Variants in METTL25 observed in about 807,000 individuals in gnomAD.
METTL25 encodes probable methyltransferase-like protein 25.
Under a neutral mutation model 71.6 loss-of-function variants are expected in METTL25, and 64 were observed. The observed-to-expected ratio is 0.89, with a 90% confidence interval of 0.73 to 1.10. The LOEUF (loss-of-function observed/expected upper bound fraction) is 1.10. Ranked by LOEUF, METTL25 falls within the 50% of genes least tolerant of loss-of-function variation. The pLI is 0.00. For missense variants in METTL25, 807 were observed against 707.0 expected, an observed-to-expected ratio of 1.14 and a Z score of -1.60; for synonymous variants, 287 against 250.3, an observed-to-expected ratio of 1.15 and a Z score of -1.38.
intron 5 of METTL25, among the ~76,000 whole-genome samples, chr12:82,403,650 T>C (rs1399664247): frequency 6.6e-6 from 1 of 152,212 alleles, no homozygotes; most frequent in African/African-American, 2.4e-5. Context: ...GTATTCAAAC[T>C]ATGCTACCTG....
intron 9 of METTL25, among the ~76,000 whole-genome samples, chr12:82,460,217 A>G (rs1254370727): frequency 1.3e-5 from 2 of 152,044 alleles, no homozygotes; most frequent in Admixed American, 6.5e-5. Context: ...GCTTGTCTAG[A>G]CCCCCCTTAT....
At chr12:82,414,690 C>A (rs1267592443) in intron 5 of METTL25, among the ~76,000 whole-genome samples, 16 of 152,138 alleles carry the variant, frequency 1.1e-4, no homozygotes, top group Non-Finnish European at 4.4e-5. Context: ...TTGACAAATT[C>A]TTGTCAGAGA....
chr12:82,378,854 C>T (rs755268599), intron 1 of METTL25, among the ~76,000 whole-genome samples: 3 of 151,944 alleles, frequency 2.0e-5, no homozygotes. Flanking sequence ...ATAGTGAGAC[C>T]CTGTCTCTAG....
chr12:82,466,770 C>T (rs1892262835), intron 9 of METTL25, among the ~76,000 whole-genome samples: 1 of 152,008 alleles, frequency 6.6e-6, no homozygotes, highest in African/African-American at 2.4e-5. Flanking sequence ...TATCTAGGTA[C>T]ACCAGTATAA....
At chr12:82,473,550 C>T (rs1014590454) in intron 9 of METTL25, among the ~76,000 whole-genome samples, 1 of 152,116 alleles carries the variant, frequency 6.6e-6, no homozygotes, top group Non-Finnish European at 1.5e-5. Context: ...TGATCGCCCT[C>T]CAGGGGCAGC....
chr12:82,449,401 CT>C (rs1313018763), intron 8 of METTL25, among the ~76,000 whole-genome samples: 5 of 152,188 alleles, frequency 3.3e-5, no homozygotes, highest in African/African-American at 4.8e-5. Flanking sequence ...CCATGAACAG[CT>C]GCCCATGCAC....
chr12:82,434,313 A>G (rs1290869769), intron 6 of METTL25, among the ~76,000 whole-genome samples: 1 of 151,362 alleles, frequency 6.6e-6, no homozygotes, highest in Non-Finnish European at 1.5e-5. Flanking sequence ...AAATATATCT[A>G]TGTCTGTATA....
At chr12:82,449,981 G>A (rs1160661617) in intron 8 of METTL25, among the ~76,000 whole-genome samples, 1 of 151,952 alleles carries the variant, frequency 6.6e-6, no homozygotes, top group Admixed American at 6.6e-5. Flanking sequence ...ACCCTATGTT[G>A]TTAAATTGCG....
At chr12:82,460,804 TTTAG>T (rs1592761083) in intron 9 of METTL25, among the ~76,000 whole-genome samples, 2 of 152,196 alleles carry the variant, frequency 1.3e-5, no homozygotes, top group East Asian at 3.8e-4. Flanking sequence ...TAATGGGGAC[TTTAG>T]TTAATAATGT....
chr12:82,474,772 G>T (rs1455970343), intron 9 of METTL25, among the ~76,000 whole-genome samples: 1 of 151,992 alleles, frequency 6.6e-6, no homozygotes, highest in African/African-American at 2.4e-5. Flanking sequence ...ACAGTAAAAA[G>T]GTGTTCTCAC....
rs182498246 is a variant in METTL25, at chr12:82,399,809, T to C, written c.1131+415T>C. 5.1e-4 allele frequency among the ~76,000 whole-genome samples: 77 copies of C among 152,312 alleles called. 1 individual carries two copies. Among genetic ancestry groups the C allele is most frequent in the African/African-American group, 1.7e-3 (70 of 41,576 alleles). On this transcript the variant is annotated intron_variant, in intron 4 of 11. Transcript: ENST00000248306. The stretch of plus-strand genomic sequence containing the variant: ...GAGCAAGAGTAGCTTCTAAGTGTTC[T>C]TCAAAGCTTGAACTTTTTCTAAATT...
At chr12:82,439,856 C>G in intron 8 of METTL25, 2 of 832,834 alleles carry the variant, frequency 2.4e-6, no homozygotes, top group Non-Finnish European at 2.7e-6. Flanking sequence ...GACCTCAGAT[C>G]TGTTCATGTG....
chr12:82,458,556 C>T (rs924728128), intron 9 of METTL25, among the ~76,000 whole-genome samples: 8 of 152,130 alleles, frequency 5.3e-5, no homozygotes, highest in South Asian at 2.1e-4. Flanking sequence ...CAGAGAGAAC[C>T]ACTCATAAGA....
chr12:82,377,318 T>G lies in METTL25; in HGVS notation c.260-9485T>G, dbSNP rs149975152. Among the ~76,000 whole-genome samples, 1,504 of 152,338 alleles carry G rather than the reference T, an allele frequency of 9.9e-3. 24 individuals carry two copies. The highest frequency in any genetic ancestry group is 0.034 in the African/African-American group (1,418 of 41,562). On this transcript the variant is annotated intron_variant, in intron 1 of 11. Transcript: ENST00000248306. ...AGGATTATGCAAAAAGACAATAAGC[T>G]TGCCTTTATTATAGATTTCAACCTG...
At chr12:82,430,631 T>C (rs1889404407) in intron 5 of METTL25, among the ~76,000 whole-genome samples, 1 of 151,746 alleles carries the variant, frequency 6.6e-6, no homozygotes, top group African/African-American at 2.4e-5. Flanking sequence ...TGCTAAATCT[T>C]ACAGAAATTG....
chr12:82,429,713 G>T (rs1316282436), intron 5 of METTL25, among the ~76,000 whole-genome samples: 2 of 151,316 alleles, frequency 1.3e-5, no homozygotes, highest in African/African-American at 4.8e-5. Context: ...ACACCTCTTG[G>T]CCATTTATAT....
rs376958845 is a variant in METTL25 at position 82,361,759 on chromosome 12, GC to G, written c.259+2936del. Reference sequence around the variant, plus strand: ...AACCACCCGGAACTCGCGCTGGCCAGCAAGCGTGGCGCGCAGCCCTGGTTCC... The same window carrying G: ...AACCACCCGGAACTCGCGCTGGCCAGAAGCGTGGCGCGCAGCCCTGGTTCC... On this transcript the variant is annotated intron_variant, in intron 1 of 11. Transcript: ENST00000248306. Among the ~76,000 whole-genome samples, 7 of 152,318 alleles carry G rather than the reference GC, an allele frequency of 4.6e-5. No homozygotes were observed. In the East Asian group the frequency reaches 1.4e-3, roughly 29 times the overall value.
rs185830421 is a variant in METTL25, at chr12:82,366,450, G to A, written c.259+7626G>A. On this transcript the variant is annotated intron_variant, in intron 1 of 11. Coordinates refer to ENST00000248306, the MANE Select transcript of METTL25 (RefSeq NM_032230.3). ...TGATCCTACCAGGATTGGGTGCTGA[G>A]TAAATGTTTATAGAATCAGTTCCTT... Among the ~76,000 whole-genome samples, 12 of 152,286 alleles carry A rather than the reference G, an allele frequency of 7.9e-5. No individual in the cohort carries two copies. In the East Asian group the frequency reaches 2.3e-3, roughly 29 times the overall value.
chr12:82,409,521 A>G (rs923662054), intron 5 of METTL25, among the ~76,000 whole-genome samples: 1 of 152,128 alleles, frequency 6.6e-6, no homozygotes, highest in Non-Finnish European at 1.5e-5. Flanking sequence ...ACCAATTCAG[A>G]TCCACACATT....
Sources: allele counts gnomAD v4.1 joint callset (sites outside exome capture counted in the v4.1 genomes callset), GRCh38; gene constraint gnomAD v4.1.1; transcripts MANE v1.5; gene names NCBI Gene and HGNC (gene_info 2026-07-23, HGNC 2026-07-21).